QKI: variants seen among roughly 807,000 people sequenced by gnomAD.
QKI encodes QKI, KH domain containing RNA binding, also known as KH domain-containing RNA-binding protein QKI.
A neutral mutation model predicts 39.0 loss-of-function variants in QKI; 10 were observed. That is an observed-to-expected ratio of 0.26 (90% confidence interval 0.16 to 0.43). QKI has a LOEUF of 0.43. Ranked by LOEUF, QKI falls within the 20% of genes least tolerant of loss-of-function variation. QKI has a pLI of 1.00. For synonymous variants in QKI, 204 were observed against 155.4 expected, an observed-to-expected ratio of 1.31 and a Z score of -2.33; for missense variants, 218 against 428.0, an observed-to-expected ratio of 0.51 and a Z score of 4.33.
chr6:163,427,927 G>T (rs1425192769), intron 1 of QKI, among the ~76,000 whole-genome samples: 1 of 152,146 alleles, frequency 6.6e-6, no homozygotes, highest in African/African-American at 2.4e-5. Context: ...TCTTAAAATT[G>T]TATTTCTTAG....
At chr6:163,524,026 T>G (rs1044424129) in intron 3 of QKI, among the ~76,000 whole-genome samples, 56 of 152,208 alleles carry the variant, frequency 3.7e-4, no homozygotes, top group Admixed American at 3.7e-3. Context: ...ATTCTTCAAT[T>G]TCATTAAGTT....
chr6:163,476,972 C>T (rs1489143931), intron 2 of QKI, among the ~76,000 whole-genome samples: 1 of 149,816 alleles, frequency 6.7e-6, no homozygotes, highest in African/African-American at 2.5e-5. Context: ...GTAATTGAGG[C>T]TTATTTGATG....
chr6:163,483,046 C>G (rs1793199700), intron 3 of QKI, among the ~76,000 whole-genome samples: 1 of 152,142 alleles, frequency 6.6e-6, no homozygotes, highest in Non-Finnish European at 1.5e-5. Flanking sequence ...TTCCAGACCA[C>G]CACAATAAGG....
intron 3 of QKI, among the ~76,000 whole-genome samples, chr6:163,505,906 A>G (rs1215780298): frequency 1.3e-5 from 2 of 152,098 alleles, no homozygotes; most frequent in East Asian, 1.9e-4. Context: ...TCTCCACCCA[A>G]ATCTCTTCTT....
At chr6:163,437,884 C>CA (rs138336857) in intron 1 of QKI, among the ~76,000 whole-genome samples, 26,454 of 151,784 alleles carry the variant, frequency 0.17, 2,978 homozygotes, top group Middle Eastern at 0.28. Context: ...GTGGTTAAGC[C>CA]AAAAAAGGTC....
intron 3 of QKI, among the ~76,000 whole-genome samples, chr6:163,499,551 A>G (rs1460157629): frequency 6.6e-6 from 1 of 152,218 alleles, no homozygotes; most frequent in Non-Finnish European, 1.5e-5. Context: ...TGTTAGCATC[A>G]CTGACAGTGT....
intron 4 of QKI, among the ~76,000 whole-genome samples, chr6:163,549,719 CAAACA>C (rs1217254267): frequency 6.6e-6 from 1 of 152,098 alleles, no homozygotes; most frequent in Non-Finnish European, 1.5e-5. Context: ...TTCAAAAAAA[CAAACA>C]AAACAAAAAC....
intron 2 of QKI, among the ~76,000 whole-genome samples, chr6:163,470,009 C>A (rs573560358): frequency 7.9e-5 from 12 of 152,054 alleles, no homozygotes; most frequent in African/African-American, 2.7e-4. Flanking sequence ...CTGAGCAATT[C>A]CAGGAAAATA....
chr6:163,542,138 A>G (rs547574359), intron 4 of QKI, among the ~76,000 whole-genome samples: 45 of 152,084 alleles, frequency 3.0e-4, no homozygotes, highest in African/African-American at 1.1e-3. Context: ...AGCCCCCCCA[A>G]AAAATGAAAT....
chr6:163,490,043 G>A (rs1167572952), intron 3 of QKI, among the ~76,000 whole-genome samples: 1 of 152,122 alleles, frequency 6.6e-6, no homozygotes, highest in Non-Finnish European at 1.5e-5. Flanking sequence ...GTTTGTTAGA[G>A]GGTTAATCTT....
At chr6:163,514,905 G>A (rs1779698316) in intron 3 of QKI, among the ~76,000 whole-genome samples, 1 of 152,106 alleles carries the variant, frequency 6.6e-6, no homozygotes, top group African/African-American at 2.4e-5. Flanking sequence ...ACATTGAAAT[G>A]TATTTTAAAA....
chr6:163,452,578 C>G (rs185070560), intron 1 of QKI, among the ~76,000 whole-genome samples: 1 of 152,272 alleles, frequency 6.6e-6, no homozygotes. Context: ...GACCTGCGGA[C>G]ACACTGGGTA....
intron 4 of QKI, among the ~76,000 whole-genome samples, chr6:163,535,525 AT>A (rs34841140): frequency 0.72 from 107,050 of 148,590 alleles, 38,499 homozygotes; most frequent in East Asian, 0.94. Context: ...CCAGAGTATA[AT>A]TTTTTTTTTT....
intron 3 of QKI, among the ~76,000 whole-genome samples, chr6:163,488,069 A>G (rs1205804970): frequency 1.3e-5 from 2 of 152,174 alleles, no homozygotes; most frequent in East Asian, 3.8e-4. Flanking sequence ...GCCTTTGGGT[A>G]TCACTACGAA....
intron 4 of QKI, among the ~76,000 whole-genome samples, chr6:163,553,007 A>T (rs1483812842): frequency 6.7e-6 from 1 of 149,546 alleles, no homozygotes; most frequent in East Asian, 1.9e-4. Flanking sequence ...CCCACCTCTC[A>T]AAACTAAGAG....
At chr6:163,525,815 A>G (rs929002691) in intron 3 of QKI, among the ~76,000 whole-genome samples, 2 of 152,238 alleles carry the variant, frequency 1.3e-5, no homozygotes, top group Non-Finnish European at 2.9e-5. Context: ...AACTGAGTAC[A>G]TTGAGTCAGG....
At chr6:163,564,815 A>T (rs1369063596) in intron 6 of QKI, 18 of 1,590,988 alleles carry the variant, frequency 1.1e-5, no homozygotes, top group Non-Finnish European at 1.5e-5. Flanking sequence ...ACAAAATTTG[A>T]ATACTTTTTT....
intron 3 of QKI, among the ~76,000 whole-genome samples, chr6:163,526,121 T>A (rs1054801743): frequency 6.6e-6 from 1 of 152,178 alleles, no homozygotes; most frequent in South Asian, 2.1e-4. Flanking sequence ...CCAGACTGAT[T>A]ATGTCAAAAG....
chr6:163,510,247 T>C (rs999012774), intron 3 of QKI, among the ~76,000 whole-genome samples: 1 of 130,632 alleles, frequency 7.7e-6, no homozygotes, highest in Non-Finnish European at 1.6e-5. Context: ...ATAATAATAA[T>C]AATAATAATA....
Sources: allele counts gnomAD v4.1 joint callset (sites outside exome capture counted in the v4.1 genomes callset), GRCh38; gene constraint gnomAD v4.1.1; transcripts MANE v1.5; gene names NCBI Gene and HGNC (gene_info 2026-07-23, HGNC 2026-07-21).